Variants in TFCP2 observed in about 807,000 individuals in gnomAD.
The protein encoded by TFCP2 is transcription factor CP2.
TFCP2 carries 33 observed loss-of-function variants against 73.4 expected under a neutral mutation model. That is an observed-to-expected ratio of 0.45 (90% CI 0.34 to 0.60). The LOEUF is 0.60. TFCP2 is among the 20% of genes least tolerant of loss of function. The pLI is 0.01. For synonymous variants in TFCP2, 193 were observed against 211.6 expected (o/e 0.91, Z 0.76); for missense variants, 352 against 604.0 (o/e 0.58, Z 4.37).
chr12:51,135,522 T>G (rs532457050), intron 1 of TFCP2, among the ~76,000 whole-genome samples: 6 of 152,328 alleles, frequency 3.9e-5, no homozygotes, highest in African/African-American at 1.2e-4. Context: ...TTCTGCTGTA[T>G]TTGTATATTA....
At chr12:51,120,202 G>C (rs1385575324) in intron 1 of TFCP2, among the ~76,000 whole-genome samples, 1,138 of 80,808 alleles carry the variant, frequency 0.014, 10 homozygotes, top group African/African-American at 0.036. Context: ...AAAAAAAAAA[G>C]AACAACAACA....
intron 1 of TFCP2, among the ~76,000 whole-genome samples, chr12:51,165,864 C>CT (rs1941747777): frequency 2.0e-5 from 3 of 152,120 alleles, no homozygotes. Flanking sequence ...ATGAAAAACT[C>CT]TGAGTAGGGC....
intron 14 of TFCP2, among the ~76,000 whole-genome samples, chr12:51,095,718 G>A (rs528243855): frequency 3.4e-4 from 52 of 150,836 alleles, no homozygotes; most frequent in Non-Finnish European, 5.9e-4. Flanking sequence ...GGAGGCAGAG[G>A]GAGGAGAATC....
At chr12:51,106,064 A>G (rs376486953) in intron 8 of TFCP2, among the ~76,000 whole-genome samples, 3 of 152,232 alleles carry the variant, frequency 2.0e-5, no homozygotes, top group East Asian at 3.8e-4. Flanking sequence ...TATTTCCCCA[A>G]TTATCAAAGA....
intron 1 of TFCP2, among the ~76,000 whole-genome samples, chr12:51,149,345 C>A (rs1402299774): frequency 6.6e-6 from 1 of 151,732 alleles, no homozygotes; most frequent in Non-Finnish European, 1.5e-5. Context: ...GATAGGTGCA[C>A]TACAATCTCA....
At chr12:51,170,696 T>G (rs1221096292) in intron 1 of TFCP2, among the ~76,000 whole-genome samples, 1 of 151,984 alleles carries the variant, frequency 6.6e-6, no homozygotes, top group Non-Finnish European at 1.5e-5. Context: ...TTTTTTTTTT[T>G]GAGACGGAGT....
intron 1 of TFCP2, among the ~76,000 whole-genome samples, chr12:51,167,881 C>T (rs984388507): frequency 1.3e-5 from 2 of 151,640 alleles, no homozygotes; most frequent in Non-Finnish European, 2.9e-5. Context: ...AGCAACACAG[C>T]AAGATCTAGT....
intron 11 of TFCP2, among the ~76,000 whole-genome samples, chr12:51,101,173 C>T (rs185394206): frequency 6.6e-6 from 1 of 152,108 alleles, no homozygotes; most frequent in Admixed American, 6.5e-5. Context: ...GGCATGGTGG[C>T]AGGCGCCTGT....
chr12:51,108,646 T>C (rs1940318456), intron 6 of TFCP2, among the ~76,000 whole-genome samples: 1 of 151,958 alleles, frequency 6.6e-6, no homozygotes, highest in Non-Finnish European at 1.5e-5. Context: ...TGGTGGCACA[T>C]GCCTGTAGTC....
chr12:51,110,035 A>G (rs1356730298), intron 5 of TFCP2, among the ~76,000 whole-genome samples: 1 of 151,990 alleles, frequency 6.6e-6, no homozygotes, highest in Non-Finnish European at 1.5e-5. Context: ...ATCTTAATAG[A>G]AGAACCTTGT....
At chr12:51,163,783 A>AT (rs1435528592) in intron 1 of TFCP2, among the ~76,000 whole-genome samples, 6 of 151,882 alleles carry the variant, frequency 4.0e-5, no homozygotes, top group South Asian at 2.1e-4. Flanking sequence ...AAAAACAGAG[A>AT]TAAAAAAAAG....
At chr12:51,099,896 A>C in intron 11 of TFCP2, 117 bp from the exon 12 acceptor site, 44 of 1,254,558 alleles carry the variant, frequency 3.5e-5, no homozygotes, top group Non-Finnish European at 4.7e-5. Flanking sequence ...TTGGAAGCTC[A>C]TTGGCCAAAT....
At chr12:51,106,904 A>G in intron 7 of TFCP2, 2 of 494,386 alleles carry the variant, frequency 4.0e-6, no homozygotes, top group South Asian at 4.7e-5. Flanking sequence ...TCTTCCTAAA[A>G]TTGAAGGTGG....
intron 1 of TFCP2, among the ~76,000 whole-genome samples, chr12:51,158,114 A>G (rs1216798733): frequency 6.6e-6 from 1 of 151,818 alleles, no homozygotes; most frequent in Non-Finnish European, 1.5e-5. Context: ...CAATCCTCTC[A>G]CCTCAGCCTC....
chr12:51,125,756 A>C (rs1940798349), intron 1 of TFCP2, among the ~76,000 whole-genome samples: 1 of 152,210 alleles, frequency 6.6e-6, no homozygotes, highest in Admixed American at 6.5e-5. Context: ...CACTATGATC[A>C]TTTTGGAATT....
rs140169137 is a variant in TFCP2 at position 51,106,189 on chromosome 12, A to G, written c.917+336T>C. On this transcript the variant is annotated intron_variant, in intron 8 of 14. Transcript: ENST00000257915. ...CTGTCTGGTGCAAGTATGATCAGGA[A>G]ATGAAATAACCACAAGATGTGCAGT... is the stretch of plus-strand genomic sequence containing the variant. Among the ~76,000 whole-genome samples the G allele has an allele frequency of 3.1e-4, 47 of 152,328 alleles. No homozygotes were observed. In the East Asian group the frequency reaches 8.9e-3, roughly 29 times the overall value.
chr12:51,166,906 C>A (rs571305694), intron 1 of TFCP2, among the ~76,000 whole-genome samples: 107 of 152,262 alleles, frequency 7.0e-4, no homozygotes, highest in African/African-American at 2.6e-3. Flanking sequence ...GATATCATAA[C>A]CATCATCACA....
intron 1 of TFCP2, among the ~76,000 whole-genome samples, chr12:51,120,825 T>C (rs538646185): frequency 6.8e-6 from 1 of 147,902 alleles, no homozygotes; most frequent in South Asian, 2.1e-4. Context: ...ATCCCAGCTA[T>C]GTCAGAGGCT....
chr12:51,124,014 A>G (rs1256066600), intron 1 of TFCP2, among the ~76,000 whole-genome samples: 1 of 152,224 alleles, frequency 6.6e-6, no homozygotes, highest in East Asian at 1.9e-4. Flanking sequence ...TTCAAACAGC[A>G]TGATAATGAA....
Sources: gnomAD v4.1 joint callset for allele counts (sites outside exome capture counted in the v4.1 genomes callset) on GRCh38, gnomAD v4.1.1 for gene constraint, MANE v1.5 for transcripts, NCBI Gene and HGNC (gene_info 2026-07-23, HGNC 2026-07-21) for gene names.